The following SLC1A2 variants were observed in gnomAD, a reference collection of about 807,000 sequenced individuals.
SLC1A2 encodes the protein excitatory amino acid transporter 2.
Under a neutral mutation model 48.8 loss-of-function variants are expected in SLC1A2, and 15 were observed. The ratio of observed to expected loss-of-function variants is 0.31; its 90% confidence interval spans 0.21 to 0.47. The LOEUF (loss-of-function observed/expected upper bound fraction) is 0.47. SLC1A2 is among the 20% of genes least tolerant of loss of function. SLC1A2 has a pLI of 0.99. For synonymous variants in SLC1A2, 279 were observed against 272.6 expected, an observed-to-expected ratio of 1.02 and a Z score of -0.23; for missense variants, 502 against 730.5, an observed-to-expected ratio of 0.69 and a Z score of 3.61.
At chr11:35,330,899 C>T (rs1487611482) in intron 1 of SLC1A2, among the ~76,000 whole-genome samples, 1 of 152,206 alleles carries the variant, frequency 6.6e-6, no homozygotes, top group African/African-American at 2.4e-5. Context: ...TTTCTGGCCT[C>T]CAGAACTATA....
intron 1 of SLC1A2, among the ~76,000 whole-genome samples, chr11:35,401,427 T>A (rs931374840): frequency 2.0e-5 from 3 of 152,190 alleles, no homozygotes; most frequent in Non-Finnish European, 4.4e-5. Context: ...CAAAGAGTCT[T>A]TTTTGTCAGT....
At chr11:35,313,765 C>T (rs1216693686) in intron 3 of SLC1A2, among the ~76,000 whole-genome samples, 1 of 152,154 alleles carries the variant, frequency 6.6e-6, no homozygotes, top group Admixed American at 6.5e-5. Context: ...TTCACTCAAT[C>T]TAGCGCTGAA....
intron 8 of SLC1A2, 62 bp downstream of exon 8, chr11:35,286,695 G>A (rs1850832084): frequency 6.5e-6 from 8 of 1,232,588 alleles, no homozygotes; most frequent in Non-Finnish European, 7.9e-6. Context: ...TCTGTCACAT[G>A]GAGTTAGTGT....
intron 1 of SLC1A2, among the ~76,000 whole-genome samples, chr11:35,398,141 T>C (rs1855025857): frequency 6.6e-6 from 1 of 152,196 alleles, no homozygotes; most frequent in Non-Finnish European, 1.5e-5. Context: ...TAGAGAATCA[T>C]ATTGTGCCTC....
intron 7 of SLC1A2, among the ~76,000 whole-genome samples, chr11:35,288,215 C>T (rs1468644097): frequency 6.6e-6 from 1 of 152,178 alleles, no homozygotes; most frequent in African/African-American, 2.4e-5. Context: ...CACTGGCCCA[C>T]GAGCTCCTAA....
At chr11:35,396,594 T>A (rs1854966343) in intron 1 of SLC1A2, among the ~76,000 whole-genome samples, 1 of 151,934 alleles carries the variant, frequency 6.6e-6, no homozygotes, top group African/African-American at 2.4e-5. Context: ...GTCAGATGAG[T>A]AGGTTGGGAA....
At chr11:35,261,403 C>T (rs996957924) in intron 10 of SLC1A2, among the ~76,000 whole-genome samples, 3 of 152,098 alleles carry the variant, frequency 2.0e-5, no homozygotes, top group Non-Finnish European at 2.9e-5. Context: ...AGATGGCATA[C>T]GTGTCTAATT....
intron 2 of SLC1A2, 57 bp from the exon 3 acceptor site, chr11:35,315,232 C>T: frequency 4.7e-6 from 6 of 1,288,828 alleles, no homozygotes; most frequent in South Asian, 1.2e-5. Flanking sequence ...AAATGACTTA[C>T]TCTAGACACT....
At chr11:35,329,571 A>G (rs1343505910) in intron 1 of SLC1A2, among the ~76,000 whole-genome samples, 1 of 152,220 alleles carries the variant, frequency 6.6e-6, no homozygotes, top group Non-Finnish European at 1.5e-5. Context: ...AACAAAGCAC[A>G]AAACAGATCT....
intron 3 of SLC1A2, among the ~76,000 whole-genome samples, chr11:35,314,722 A>C (rs558452391): frequency 2.6e-5 from 4 of 151,952 alleles, no homozygotes; most frequent in Admixed American, 2.6e-4. Flanking sequence ...CAAAAAAAAA[A>C]AAAATTTAAA....
chr11:35,342,275 C>A (rs978489244), intron 1 of SLC1A2, among the ~76,000 whole-genome samples: 1 of 152,100 alleles, frequency 6.6e-6, no homozygotes, highest in Non-Finnish European at 1.5e-5. Flanking sequence ...TTTGTTTTAA[C>A]AAGAAAAATA....
rs1203182674 is a variant in SLC1A2 at position 35,252,682 on chromosome 11, G to A, written c.*8212C>T. The A allele has an allele frequency of 6.6e-6, 1 of 152,358 alleles. No homozygotes were observed. Among genetic ancestry groups the A allele is most frequent in the Non-Finnish European group, 1.5e-5 (1 of 68,022 alleles). 9.4% of individuals were successfully genotyped at this position (152,358 alleles called of 1,614,324 possible). On this transcript the variant is annotated 3_prime_UTR_variant, in exon 11 of 11. Transcript: ENST00000278379. ...AAATGATTCACGACTAGTTATCTAA[G>A]AAGGAAAAAGAAATGTTTGCAAAAC...
At chr11:35,403,966 CAT>C (rs1855209836) in intron 1 of SLC1A2, among the ~76,000 whole-genome samples, 1 of 37,298 alleles carries the variant, frequency 2.7e-5, no homozygotes, top group Non-Finnish European at 6.7e-5. Flanking sequence ...TCTAAGCAAA[CAT>C]ATGGACACGT....
intron 9 of SLC1A2, among the ~76,000 whole-genome samples, chr11:35,266,254 A>G (rs1199624775): frequency 6.6e-6 from 1 of 152,182 alleles, no homozygotes; most frequent in Non-Finnish European, 1.5e-5. Flanking sequence ...TTCTCATAGT[A>G]GAAAAGTCAT....
chr11:35,335,755 G>A (rs1486815792), intron 1 of SLC1A2, among the ~76,000 whole-genome samples: 1 of 152,066 alleles, frequency 6.6e-6, no homozygotes, highest in African/African-American at 2.4e-5. Flanking sequence ...TTGAGGCCAG[G>A]AGTTCAAGAC....
At position 35,315,154 on chromosome 11, in the gene SLC1A2, C is replaced by A. The variant is rs1384850189; in HGVS notation, c.179G>T (p.Cys60Phe). ...TVFGVILGAV[C>F]GGLLRLASPI... ...AGATGCCAAGCGAAGAAGCCCTCCA[C>A]ACACTGCTCCCAGGATGACACCTAA... The change falls in exon 3 of 11, where the codon TGT becomes TTT. Residue 60 changes from cysteine to phenylalanine, a missense_variant. Cys to Phe is a radical substitution (Grantham distance 205, BLOSUM62 -2). Transcript: ENST00000278379. The A allele has an allele frequency of 6.2e-7, 1 of 1,613,686 alleles. No individual in the cohort carries two copies. The highest frequency in any genetic ancestry group is 2.2e-5 in the East Asian group (1 of 44,876).
intron 9 of SLC1A2, among the ~76,000 whole-genome samples, chr11:35,279,506 C>G (rs981473759): frequency 1.3e-5 from 2 of 152,246 alleles, no homozygotes; most frequent in Non-Finnish European, 2.9e-5. Flanking sequence ...TACATCCTCA[C>G]ACTGCTGGTA....
intron 1 of SLC1A2, among the ~76,000 whole-genome samples, chr11:35,321,957 G>T (rs1451022233): frequency 6.6e-6 from 1 of 151,996 alleles, no homozygotes; most frequent in Non-Finnish European, 1.5e-5. Context: ...CTGCTTGACT[G>T]CCTCCTAAAT....
intron 2 of SLC1A2, chr11:35,315,464 A>C (rs1324549526): frequency 3.6e-6 from 1 of 281,626 alleles, no homozygotes; most frequent in African/African-American, 2.1e-5. Flanking sequence ...ATTTGAGGCT[A>C]TTTGTCTACT....
Sources: gnomAD v4.1 joint callset for allele counts (sites outside exome capture counted in the v4.1 genomes callset) on GRCh38, gnomAD v4.1.1 for gene constraint, MANE v1.5 for transcripts, NCBI Gene and HGNC (gene_info 2026-07-23, HGNC 2026-07-21) for gene names.